The following TNNI3K variants were observed in gnomAD, a reference collection of about 807,000 sequenced individuals.
The protein encoded by TNNI3K is serine/threonine-protein kinase TNNI3K.
TNNI3K carries 140 observed loss-of-function variants against 114.5 expected under a neutral mutation model. That is an observed-to-expected ratio of 1.22 (90% CI 1.07 to 1.41). TNNI3K has a LOEUF of 1.41. TNNI3K is among the 40% of genes most tolerant of loss of function. TNNI3K has a pLI of 0.00. For missense variants in TNNI3K, 1,125 were observed against 1,007.6 expected (o/e 1.12, Z -1.58); for synonymous variants, 347 against 347.5 (o/e 1.00, Z 0.02).
intron 7 of TNNI3K, among the ~76,000 whole-genome samples, chr1:74,338,061 AAC>A (rs1660566937): frequency 6.6e-6 from 1 of 152,002 alleles, no homozygotes; most frequent in African/African-American, 2.4e-5. Context: ...TATATATATA[AAC>A]ACACATATAT....
intron 20 of TNNI3K, among the ~76,000 whole-genome samples, chr1:74,444,262 CATTGTCTCAGTCCAAAAACCT>C (rs1177992486): frequency 6.6e-6 from 1 of 152,184 alleles, no homozygotes; most frequent in Admixed American, 6.5e-5. Context: ...AAGAAGACCA[CATTGTCTCAGTCCAAAAACCT>C]ATTGTCTCAG....
In TNNI3K at chr1:74,369,003, T is replaced by G. The variant is rs1209479920; in HGVS notation, c.1322-19T>G. 1.3e-6 allele frequency: 2 copies of G among 1,581,546 alleles called. No homozygotes were observed. Among genetic ancestry groups the G allele is most frequent in the Non-Finnish European group, 1.7e-6 (2 of 1,166,634 alleles). ...GTGGTTTTTACCTTAAAAAATAAAA[T>G]GACAATTTCTCTTTGCAGAGAAGGC... On this transcript the variant is annotated intron_variant, in intron 13 of 24. Coordinates refer to ENST00000326637, the MANE Select transcript of TNNI3K (RefSeq NM_015978.3).
rs893092707 is a variant in TNNI3K, at chr1:74,489,327, G to T, written c.2181+79G>T. ...GCTGTCAGGGAATGTAGATGAGCTG[G>T]TGCTTATGAAAAGTTACTGTGAGGA... On this transcript the variant is annotated intron_variant, in intron 22 of 24. Coordinates refer to ENST00000326637, the MANE Select transcript of TNNI3K (RefSeq NM_015978.3). 5.6e-5 allele frequency: 82 copies of T among 1,464,516 alleles called. 1 individual carries two copies. In the South Asian group the frequency reaches 9.9e-4, roughly 18 times the overall value. 90.7% of individuals were successfully genotyped at this position (1,464,516 alleles called of 1,614,324 possible).
chr1:74,375,012 G>A (rs1393253048), intron 17 of TNNI3K: 3 of 151,874 alleles, frequency 2.0e-5, no homozygotes, highest in Non-Finnish European at 4.4e-5. Context: ...CTTCTATAAA[G>A]ATATAGTATT....
intron 3 of TNNI3K, 116 bp downstream of exon 3, chr1:74,249,660 T>C: frequency 9.7e-7 from 1 of 1,030,070 alleles, no homozygotes; most frequent in Non-Finnish European, 1.3e-6. Context: ...TCCCTTCTGC[T>C]TTGCCTTTTC....
intron 4 of TNNI3K, 60 bp downstream of exon 4, chr1:74,250,829 G>T: frequency 3.2e-6 from 4 of 1,255,574 alleles, no homozygotes; most frequent in Non-Finnish European, 4.2e-6. Context: ...TGTATCTTTA[G>T]GCTTTTTTTT....
chr1:74,388,014 T>A (rs534799041), intron 17 of TNNI3K, among the ~76,000 whole-genome samples: 1 of 152,316 alleles, frequency 6.6e-6, no homozygotes, highest in South Asian at 2.1e-4. Flanking sequence ...GCATGGCAGC[T>A]CACGCCTATA....
chr1:74,537,361 T>C (rs1646672630), intron 23 of TNNI3K, among the ~76,000 whole-genome samples: 1 of 152,172 alleles, frequency 6.6e-6, no homozygotes. Flanking sequence ...GAGAAAACAT[T>C]ATGTCCCATT....
At chr1:74,404,600 G>A (rs138443087) in intron 17 of TNNI3K, among the ~76,000 whole-genome samples, 21 of 152,212 alleles carry the variant, frequency 1.4e-4, no homozygotes, top group Admixed American at 3.9e-4. Context: ...ATTAGTTGGG[G>A]CCAAAATATT....
chr1:74,306,937 G>A (rs1658678581), intron 5 of TNNI3K, among the ~76,000 whole-genome samples: 2 of 152,030 alleles, frequency 1.3e-5, no homozygotes, highest in Non-Finnish European at 2.9e-5. Flanking sequence ...TATTTGCCTA[G>A]GTCAATTCCC....
chr1:74,391,572 G>A (rs1663773145), intron 17 of TNNI3K, among the ~76,000 whole-genome samples: 1 of 152,162 alleles, frequency 6.6e-6, no homozygotes, highest in Non-Finnish European at 1.5e-5. Context: ...AATTTGAGGT[G>A]CCTGTTAGAC....
intron 17 of TNNI3K, chr1:74,418,392 A>G (rs74093569): frequency 0.081 from 13,838 of 171,750 alleles, 776 homozygotes; most frequent in African/African-American, 0.15. Flanking sequence ...ATTTATTTAG[A>G]CAGCTCATTC....
chr1:74,264,057 A>G (rs935564816), intron 4 of TNNI3K, among the ~76,000 whole-genome samples: 4 of 151,966 alleles, frequency 2.6e-5, no homozygotes, highest in Admixed American at 6.6e-5. Flanking sequence ...TAAATACATT[A>G]TGGAAAATGA....
At chr1:74,339,663 A>G (rs1660653732) in intron 7 of TNNI3K, among the ~76,000 whole-genome samples, 1 of 152,098 alleles carries the variant, frequency 6.6e-6, no homozygotes, top group South Asian at 2.1e-4. Flanking sequence ...TTGGTTCAGC[A>G]TGTTTGAGAG....
intron 2 of TNNI3K, among the ~76,000 whole-genome samples, chr1:74,246,860 A>C (rs947156788): frequency 7.2e-5 from 11 of 152,212 alleles, no homozygotes; most frequent in Non-Finnish European, 2.9e-5. Context: ...TCATTTCATC[A>C]GTGTGGTAAT....
At chr1:74,327,628 A>G (rs1659980841) in intron 5 of TNNI3K, among the ~76,000 whole-genome samples, 1 of 130,362 alleles carries the variant, frequency 7.7e-6, no homozygotes, top group Non-Finnish European at 1.6e-5. Flanking sequence ...TAGTATTATT[A>G]TATGTCAGAT....
chr1:74,464,756 C>T (rs1270944991), intron 21 of TNNI3K: 3 of 1,560,384 alleles, frequency 1.9e-6, no homozygotes, highest in Non-Finnish European at 2.6e-6. Context: ...CTTATCCTGG[C>T]CATTCAACCT....
intron 17 of TNNI3K, among the ~76,000 whole-genome samples, chr1:74,405,464 A>G (rs2100599703): frequency 6.6e-6 from 1 of 152,322 alleles, no homozygotes; most frequent in South Asian, 2.1e-4. Context: ...GTCTTAGGTG[A>G]TAAGCAATGA....
At chr1:74,262,427 T>C (rs1229520988) in intron 4 of TNNI3K, among the ~76,000 whole-genome samples, 1 of 152,024 alleles carries the variant, frequency 6.6e-6, no homozygotes, top group Admixed American at 6.6e-5. Flanking sequence ...TTAACTTAAA[T>C]GGATTTTTTA....
Sources: gnomAD v4.1 joint callset for allele counts (sites outside exome capture counted in the v4.1 genomes callset) on GRCh38, gnomAD v4.1.1 for gene constraint, MANE v1.5 for transcripts, NCBI Gene and HGNC (gene_info 2026-07-23, HGNC 2026-07-21) for gene names.